Variants in BCAS1 observed in about 807,000 individuals in gnomAD.
BCAS1 encodes the protein breast carcinoma-amplified sequence 1.
In BCAS1, 46 loss-of-function variants were observed where a neutral mutation model predicts 65.4. The observed-to-expected ratio is 0.70, with a 90% CI of 0.55 to 0.90. BCAS1 has a LOEUF of 0.90. Ranked by LOEUF, BCAS1 falls within the 40% of genes least tolerant of loss-of-function variation. The probability of loss-of-function intolerance (pLI) is 0.00; values close to 1 mark genes in which losing one functional copy is unlikely to be tolerated. For synonymous variants in BCAS1, 298 were observed against 293.5 expected, an observed-to-expected ratio of 1.02 and a Z score of -0.16; for missense variants, 793 against 771.2, an observed-to-expected ratio of 1.03 and a Z score of -0.33.
intron 8 of BCAS1, among the ~76,000 whole-genome samples, chr20:53,980,832 A>C (rs2145741619): frequency 6.6e-6 from 1 of 152,350 alleles, no homozygotes; most frequent in Middle Eastern, 3.4e-3. Flanking sequence ...TGTTCTCTAT[A>C]TAACAGGAAG....
intron 4 of BCAS1, among the ~76,000 whole-genome samples, chr20:54,002,848 G>T (rs182935016): frequency 3.3e-5 from 5 of 152,096 alleles, no homozygotes; most frequent in African/African-American, 1.2e-4. Context: ...ATCTCTTACT[G>T]CTATTTGTTT....
Position 54,058,705 on chromosome 20 carries a change from A to T in BCAS1, c.14T>A (p.Met5Lys). The change falls in exon 2 of 13, where the codon ATG (methionine) becomes AAG (lysine). Residue 5 changes from methionine to lysine, a missense_variant. Met to Lys is a moderately conservative substitution (Grantham distance 95). Coordinates refer to ENST00000688948, the MANE Select transcript of BCAS1 (RefSeq NM_001366298.2). MGNQMSVPQRVEDQE... is the reference protein window; with the variant it reads MGNQKSVPQRVEDQE... Reference sequence around the variant, plus strand: ...GTCTTCAACTCTTTGGGGAACACTCATTTGGTTACCCATTGCTCCTATAAT... The same window carrying T: ...GTCTTCAACTCTTTGGGGAACACTCTTTTGGTTACCCATTGCTCCTATAAT... 6.2e-7 allele frequency: 1 copy of T among 1,607,806 alleles called. No homozygotes were observed.
intron 12 of BCAS1, among the ~76,000 whole-genome samples, 161 bp from the exon 13 acceptor site, chr20:53,945,157 C>T (rs370639550): frequency 5.3e-5 from 8 of 152,294 alleles, no homozygotes; most frequent in East Asian, 3.9e-4. Flanking sequence ...GTCAGATGCC[C>T]GGGTTCGATA....
chr20:53,990,725 C>T (rs372080784), intron 7 of BCAS1, among the ~76,000 whole-genome samples: 154 of 152,290 alleles, frequency 1.0e-3, no homozygotes, highest in African/African-American at 3.7e-3. Flanking sequence ...AATGAACTAT[C>T]TCAGGTGCAG....
chr20:54,057,953 C>A, intron 3 of BCAS1, 132 bp downstream of exon 3: 1 of 714,824 alleles, frequency 1.4e-6, no homozygotes, highest in Non-Finnish European at 2.4e-6. Context: ...GCCCAAGGAA[C>A]AAACGCAAGT....
chr20:53,960,374 C>T (rs1030786416), intron 10 of BCAS1, among the ~76,000 whole-genome samples: 1 of 148,018 alleles, frequency 6.8e-6, no homozygotes. Flanking sequence ...AATCAGAAGG[C>T]TGTGTTGACA....
chr20:53,976,955 T>C (rs2090350299), intron 8 of BCAS1, among the ~76,000 whole-genome samples: 1 of 152,200 alleles, frequency 6.6e-6, no homozygotes, highest in Non-Finnish European at 1.5e-5. Flanking sequence ...TACACTGCTA[T>C]AAAGATATAC....
chr20:54,066,174 A>G (rs463722), intron 1 of BCAS1, among the ~76,000 whole-genome samples: 76,292 of 151,116 alleles, frequency 0.5, 20,767 homozygotes, highest in African/African-American at 0.72. Context: ...CCGGGTTCAC[A>G]CCATTCTCCT....
intron 10 of BCAS1, among the ~76,000 whole-genome samples, chr20:53,960,469 TAAAAAAAAAA>T (rs11467629): frequency 3.2e-5 from 2 of 63,114 alleles, no homozygotes; most frequent in African/African-American, 6.0e-5. Context: ...TTCAACTTCT[TAAAAAAAAAA>T]AAAAAAAAAA....
In BCAS1 at chr20:54,037,468, G is replaced by A. The variant is rs2091918815; in HGVS notation, c.143-8496C>T. On this transcript the variant is annotated intron_variant, in intron 3 of 12. Transcript: ENST00000688948. ...TTTGGGTGGGGACAAAAAGCCTAAC[G>A]ACATCAAGCTGTAAAAACAATAGCT... 3.3e-5 allele frequency among the ~76,000 whole-genome samples: 5 copies of A among 151,318 alleles called. No individual in the cohort carries two copies. In the South Asian group the frequency reaches 6.3e-4, roughly 19 times the overall value.
intron 8 of BCAS1, 77 bp from the exon 9 acceptor site, chr20:53,975,507 G>A: frequency 8.2e-7 from 1 of 1,222,406 alleles, no homozygotes; most frequent in Non-Finnish European, 1.2e-6. Context: ...CAAAGGGTTA[G>A]TTGGGCTCAC....
At chr20:53,982,313 G>T (rs1288964253) in intron 8 of BCAS1, among the ~76,000 whole-genome samples, 1 of 152,114 alleles carries the variant, frequency 6.6e-6, no homozygotes, top group Non-Finnish European at 1.5e-5. Context: ...AACAATAAAT[G>T]GCATATTTAC....
In BCAS1 at chr20:54,028,787, G is replaced by T; in HGVS notation, c.328C>A (p.Gln110Lys). The stretch of plus-strand genomic sequence containing the variant: ...GATCCAAGGGATGAATCTGCGGCTT[G>T]GTCTCCGGTACGTCCTGGTACAGGC... ...SRPVPGRTGD[Q>K]AADSSLGSVK... is the part of the protein sequence containing the mutation. Residue 110 changes from glutamine to lysine, a missense_variant, in exon 4 of 13, where the codon CAA (glutamine) becomes AAA (lysine). Coordinates refer to ENST00000688948, the MANE Select transcript of BCAS1 (RefSeq NM_001366298.2). The T allele has an allele frequency of 6.2e-7, 1 of 1,614,196 alleles. No homozygotes were observed. The highest frequency in any genetic ancestry group is 1.3e-5 in the African/African-American group (1 of 75,046).
chr20:53,945,632 G>T (rs1307102429), intron 12 of BCAS1, among the ~76,000 whole-genome samples: 1 of 151,808 alleles, frequency 6.6e-6, no homozygotes, highest in East Asian at 1.9e-4. Context: ...TAATTTATTT[G>T]TCTAACATCT....
At chr20:54,047,345 TAC>T (rs1463305848) in intron 3 of BCAS1, among the ~76,000 whole-genome samples, 3 of 152,224 alleles carry the variant, frequency 2.0e-5, no homozygotes, top group African/African-American at 7.2e-5. Context: ...CAGAGGGGAC[TAC>T]ACAGGGGTGT....
In BCAS1 at chr20:53,959,851, C is replaced by T. The variant is rs537556561; in HGVS notation, c.1486-2354G>A. 1.6e-4 allele frequency among the ~76,000 whole-genome samples: 25 copies of T among 152,296 alleles called. 1 individual carries two copies. Among genetic ancestry groups the T allele is most frequent in the South Asian group, 6.2e-4 (3 of 4,824 alleles). On this transcript the variant is annotated intron_variant, in intron 10 of 12. Coordinates refer to ENST00000688948, the MANE Select transcript of BCAS1 (RefSeq NM_001366298.2). ...ATGGAAAGTGGGTTTTTCCTTCCTC[C>T]GTGCCTTGTGCATTGTTCTACAAAG...
intron 4 of BCAS1, among the ~76,000 whole-genome samples, chr20:53,996,424 G>T (rs935666850): frequency 1.4e-5 from 2 of 139,892 alleles, no homozygotes; most frequent in African/African-American, 2.7e-5. Context: ...CAGAGATGGC[G>T]TTTCCCACAA....
chr20:54,042,355 C>A (rs150679355), intron 3 of BCAS1, among the ~76,000 whole-genome samples: 1 of 151,998 alleles, frequency 6.6e-6, no homozygotes, highest in African/African-American at 2.4e-5. Context: ...ATGAGTTTAC[C>A]TTATAACAAA....
At chr20:54,064,663 C>A (rs3787544) in intron 1 of BCAS1, among the ~76,000 whole-genome samples, 21,134 of 152,236 alleles carry the variant, frequency 0.14, 1,942 homozygotes, top group East Asian at 0.32. Context: ...GGGTTCCCCT[C>A]TCTCCTCTTG....
Sources: allele counts gnomAD v4.1 joint callset (sites outside exome capture counted in the v4.1 genomes callset), GRCh38; gene constraint gnomAD v4.1.1; transcripts MANE v1.5; gene names NCBI Gene and HGNC (gene_info 2026-07-23, HGNC 2026-07-21).